The following VRK2 variants were observed in gnomAD, a reference collection of about 807,000 sequenced individuals.
VRK2 encodes serine/threonine-protein kinase VRK2.
Under a neutral mutation model 57.6 loss-of-function variants are expected in VRK2, and 60 were observed. The ratio of observed to expected loss-of-function variants is 1.04; its 90% confidence interval spans 0.85 to 1.29. The LOEUF (loss-of-function observed/expected upper bound fraction) is 1.29. Ranked by LOEUF, VRK2 falls within the 50% of genes most tolerant of loss-of-function variation. VRK2 has a pLI of 0.00. For missense variants in VRK2, 705 were observed against 588.1 expected, an observed-to-expected ratio of 1.20 and a Z score of -2.06; for synonymous variants, 231 against 199.2, an observed-to-expected ratio of 1.16 and a Z score of -1.35.
At chr2:58,113,855 C>G (rs970077182) in intron 7 of VRK2, among the ~76,000 whole-genome samples, 16 of 152,098 alleles carry the variant, frequency 1.1e-4, no homozygotes, top group Non-Finnish European at 2.2e-4. Flanking sequence ...GCTCAGAGGC[C>G]TGACATTCCT....
chr2:58,027,664 C>T (rs959540816), intron 2 of VRK2, among the ~76,000 whole-genome samples: 2 of 152,008 alleles, frequency 1.3e-5, no homozygotes, highest in African/African-American at 4.8e-5. Context: ...TCTGAGTCAA[C>T]GTATGTAACT....
chr2:58,153,721 C>T (rs1029371620), intron 12 of VRK2, among the ~76,000 whole-genome samples: 1 of 151,870 alleles, frequency 6.6e-6, no homozygotes, highest in African/African-American at 2.4e-5. Flanking sequence ...GTAATGGTGA[C>T]CTTATGAGTT....
At chr2:57,941,883 G>A (rs1014349958) in intron 1 of VRK2, among the ~76,000 whole-genome samples, 2 of 152,156 alleles carry the variant, frequency 1.3e-5, no homozygotes, top group Non-Finnish European at 2.9e-5. Context: ...TAATGTTAGG[G>A]CAAGTACATA....
chr2:58,075,042 CCTA>C (rs1419133018), intron 2 of VRK2, among the ~76,000 whole-genome samples: 2 of 152,078 alleles, frequency 1.3e-5, no homozygotes, highest in Non-Finnish European at 2.9e-5. Context: ...TCACCCTTCT[CCTA>C]CCCTATACCC....
intron 1 of VRK2, among the ~76,000 whole-genome samples, chr2:57,947,727 A>G (rs897311549): frequency 6.6e-6 from 1 of 152,174 alleles, no homozygotes; most frequent in African/African-American, 2.4e-5. Flanking sequence ...CCTGACTCAC[A>G]CTTTTTTTCT....
intron 2 of VRK2, among the ~76,000 whole-genome samples, chr2:58,065,477 A>G (rs143194378): frequency 4.3e-4 from 65 of 152,232 alleles, no homozygotes; most frequent in Non-Finnish European, 4.0e-4. Context: ...ATTGTCAAGT[A>G]GTAGTCTGTT....
At chr2:57,964,436 T>C (rs983297656) in intron 1 of VRK2, among the ~76,000 whole-genome samples, 4 of 150,744 alleles carry the variant, frequency 2.7e-5, no homozygotes, top group African/African-American at 9.8e-5. Context: ...GTCTCAAGAG[T>C]GGTGGAGGTG....
intron 9 of VRK2, 39 bp from the exon 10 acceptor site, chr2:58,135,102 G>A (rs759595941): frequency 6.2e-6 from 10 of 1,608,322 alleles, no homozygotes; most frequent in South Asian, 2.2e-5. Context: ...TCACAGGGTT[G>A]AAAACATGTT....
At chr2:57,993,959 A>G (rs192066084) in intron 1 of VRK2, among the ~76,000 whole-genome samples, 1 of 152,374 alleles carries the variant, frequency 6.6e-6, no homozygotes, top group Non-Finnish European at 1.5e-5. Context: ...TATGAAAGAA[A>G]GAAAACTTCG....
At chr2:58,062,974 G>T (rs565072468) in intron 2 of VRK2, among the ~76,000 whole-genome samples, 117 of 152,174 alleles carry the variant, frequency 7.7e-4, no homozygotes, top group African/African-American at 2.8e-3. Flanking sequence ...CAATGCCTGG[G>T]TTCAAAGCTT....
chr2:58,091,242 AT>A (rs1344461126), intron 7 of VRK2, among the ~76,000 whole-genome samples: 3 of 152,164 alleles, frequency 2.0e-5, no homozygotes, highest in African/African-American at 7.2e-5. Context: ...TTCTTGGTTC[AT>A]TCACTATAAA....
intron 1 of VRK2, among the ~76,000 whole-genome samples, chr2:58,013,778 GA>G (rs1673486491): frequency 7.1e-6 from 1 of 140,292 alleles, no homozygotes; most frequent in Non-Finnish European, 1.5e-5. Flanking sequence ...AGAATGGCGT[GA>G]ACCCGGAAGG....
At chr2:58,098,441 T>C (rs570191237) in intron 7 of VRK2, among the ~76,000 whole-genome samples, 115 of 152,230 alleles carry the variant, frequency 7.6e-4, no homozygotes, top group African/African-American at 2.6e-3. Context: ...ACTTCCAGTC[T>C]TGTAAGTTCC....
rs186823623 is a variant in VRK2, at chr2:58,100,554, T to G, written c.543+10831T>G. Reference sequence around the variant, plus strand: ...TGAGGTTCTGCTGTATATTTTCAGATAAGCAAAGAGACTTTGGAAATAGTT... The same window carrying G: ...TGAGGTTCTGCTGTATATTTTCAGAGAAGCAAAGAGACTTTGGAAATAGTT... On this transcript the variant is annotated intron_variant, in intron 7 of 12. Coordinates refer to ENST00000340157, the MANE Select transcript of VRK2 (RefSeq NM_006296.7). Among the ~76,000 whole-genome samples, 50 of 151,962 alleles carry G rather than the reference T, an allele frequency of 3.3e-4. No individual in the cohort carries two copies. The South Asian group carries it at 9.5e-3, about 29-fold the overall frequency.
intron 1 of VRK2, among the ~76,000 whole-genome samples, chr2:57,929,844 T>G (rs1670661972): frequency 1.3e-5 from 2 of 152,136 alleles, no homozygotes; most frequent in Non-Finnish European, 2.9e-5. Context: ...AGGGAGTGTC[T>G]AGAAATGTTG....
intron 12 of VRK2, among the ~76,000 whole-genome samples, chr2:58,147,779 G>A (rs1452195535): frequency 6.7e-6 from 1 of 148,376 alleles, no homozygotes; most frequent in African/African-American, 2.5e-5. Context: ...ATTCATTTGG[G>A]CCTGGCTTCT....
chr2:57,965,272 T>G (rs1053484815), intron 1 of VRK2, among the ~76,000 whole-genome samples: 2 of 152,228 alleles, frequency 1.3e-5, no homozygotes, highest in African/African-American at 4.8e-5. Context: ...GATATTTTTC[T>G]GTTCAGGCTC....
chr2:58,137,175 T>TATATTTCATATATGATAC (rs1553422375), intron 10 of VRK2, among the ~76,000 whole-genome samples: 1 of 82,280 alleles, frequency 1.2e-5, no homozygotes. Context: ...TCATATATCA[T>TATATTTCATATATGATAC]ATATATCATA....
intron 8 of VRK2, 151 bp downstream of exon 8, chr2:58,123,384 G>A (rs1677820914): frequency 3.2e-6 from 3 of 931,984 alleles, no homozygotes; most frequent in Non-Finnish European, 4.5e-6. Flanking sequence ...TTCCTGTTAT[G>A]CCAATGAATA....
Sources: allele counts gnomAD v4.1 joint callset (sites outside exome capture counted in the v4.1 genomes callset), GRCh38; gene constraint gnomAD v4.1.1; transcripts MANE v1.5; gene names NCBI Gene and HGNC (gene_info 2026-07-23, HGNC 2026-07-21).